WWOX: variants seen among roughly 807,000 people sequenced by gnomAD.
WWOX encodes WW domain containing oxidoreductase, also known as WW domain-containing oxidoreductase.
Under a neutral mutation model 46.2 loss-of-function variants are expected in WWOX, and 69 were observed. That is an observed-to-expected ratio of 1.49 (90% CI 1.23 to 1.82). The LOEUF (loss-of-function observed/expected upper bound fraction) is 1.82, where lower values mean the gene tolerates loss of function less well. Ranked by LOEUF, WWOX falls within the 40% of genes most tolerant of loss-of-function variation. The probability of loss-of-function intolerance (pLI) is 0.00; values close to 1 mark genes in which losing one functional copy is unlikely to be tolerated. For synonymous variants in WWOX, 359 were observed against 202.6 expected, an observed-to-expected ratio of 1.77 and a Z score of -6.56; for missense variants, 919 against 542.6, an observed-to-expected ratio of 1.69 and a Z score of -6.89.
chr16:78,699,093 G>A (rs1327997248), intron 8 of WWOX, among the ~76,000 whole-genome samples: 1 of 152,120 alleles, frequency 6.6e-6, no homozygotes, highest in Non-Finnish European at 1.5e-5. Context: ...AACTTTGTAT[G>A]AAAGTAGCCA....
At chr16:78,139,089 G>A (rs1411666765) in intron 4 of WWOX, among the ~76,000 whole-genome samples, 4 of 152,128 alleles carry the variant, frequency 2.6e-5, no homozygotes, top group Non-Finnish European at 5.9e-5. Context: ...ACAGGCTAAA[G>A]GATGGCAAAG....
intron 8 of WWOX, among the ~76,000 whole-genome samples, chr16:79,180,939 A>G (rs1358946393): frequency 6.6e-6 from 1 of 152,222 alleles, no homozygotes; most frequent in Non-Finnish European, 1.5e-5. Flanking sequence ...CTTTTTCCCT[A>G]TTCCAGGCAC....
At chr16:78,435,778 A>T (rs999455448) in intron 8 of WWOX, among the ~76,000 whole-genome samples, 2 of 152,170 alleles carry the variant, frequency 1.3e-5, no homozygotes, top group Non-Finnish European at 2.9e-5. Flanking sequence ...TGACCACTGG[A>T]ACAACTTAGA....
At chr16:78,135,361 G>C (rs919308298) in intron 4 of WWOX, among the ~76,000 whole-genome samples, 3 of 152,192 alleles carry the variant, frequency 2.0e-5, no homozygotes, top group African/African-American at 7.2e-5. Context: ...TAGTTTCCTT[G>C]AATGTCTAAT....
At chr16:78,605,024 C>A (rs2045721654) in intron 8 of WWOX, among the ~76,000 whole-genome samples, 1 of 134,082 alleles carries the variant, frequency 7.5e-6, no homozygotes. Context: ...CTCCCTCTCT[C>A]CCTTCCTCCC....
Position 78,977,003 on chromosome 16 carries a change from C to G in WWOX, c.1057-234605C>G, listed in dbSNP as rs536678289. Reference sequence around the variant, plus strand: ...TGTTTTTGAATCTAGCATGTATAAGCTCATCAGAGAGCTTTCCCCTGGCCT... The same window carrying G: ...TGTTTTTGAATCTAGCATGTATAAGGTCATCAGAGAGCTTTCCCCTGGCCT... On this transcript the variant is annotated intron_variant, in intron 8 of 8. Transcript: ENST00000566780. Among the ~76,000 whole-genome samples, 12 of 152,224 alleles carry G rather than the reference C, an allele frequency of 7.9e-5. No homozygotes were observed. The East Asian group carries it at 9.7e-4, about 12-fold the overall frequency.
At chr16:78,837,017 C>T (rs1203966432) in intron 8 of WWOX, among the ~76,000 whole-genome samples, 1 of 152,124 alleles carries the variant, frequency 6.6e-6, no homozygotes, top group Non-Finnish European at 1.5e-5. Context: ...GCCGCTTCTT[C>T]ATCCCACACA....
intron 8 of WWOX, among the ~76,000 whole-genome samples, chr16:78,709,896 A>G (rs539039390): frequency 4.6e-5 from 7 of 151,866 alleles, no homozygotes; most frequent in Admixed American, 3.9e-4. Flanking sequence ...ACGCCCAGCT[A>G]ATTTTTGTAT....
intron 5 of WWOX, among the ~76,000 whole-genome samples, chr16:78,308,530 T>C (rs56313991): frequency 0.051 from 7,773 of 152,194 alleles, 511 homozygotes; most frequent in African/African-American, 0.16. Flanking sequence ...ATAGCAGGCA[T>C]GGAAAGAAAT....
intron 8 of WWOX, among the ~76,000 whole-genome samples, chr16:78,528,840 A>C (rs191426541): frequency 6.6e-6 from 1 of 152,104 alleles, no homozygotes; most frequent in Admixed American, 6.6e-5. Flanking sequence ...GGCAACCTCT[A>C]TGTAACCTCA....
chr16:78,450,889 A>G (rs2083675175), intron 8 of WWOX, among the ~76,000 whole-genome samples: 1 of 152,242 alleles, frequency 6.6e-6, no homozygotes, highest in Admixed American at 6.5e-5. Context: ...TCTGAAATAT[A>G]CCCAATAATG....
chr16:78,722,198 G>A (rs762207821), intron 8 of WWOX, among the ~76,000 whole-genome samples: 3 of 152,186 alleles, frequency 2.0e-5, no homozygotes, highest in African/African-American at 4.8e-5. Flanking sequence ...ACCAAGGCAC[G>A]ATGACCGCAG....
intron 8 of WWOX, among the ~76,000 whole-genome samples, chr16:78,683,298 C>T (rs908047522): frequency 5.8e-5 from 7 of 120,010 alleles, no homozygotes; most frequent in African/African-American, 1.4e-4. Flanking sequence ...ATTGCCTGAG[C>T]TCAGGAGGGC....
At chr16:78,121,985 G>C (rs1306379941) in intron 4 of WWOX, among the ~76,000 whole-genome samples, 1 of 152,114 alleles carries the variant, frequency 6.6e-6, no homozygotes, top group African/African-American at 2.4e-5. Flanking sequence ...TGAGGTTTCA[G>C]TTACCTGAGG....
Position 78,624,095 on chromosome 16 carries a change from A to C in WWOX, c.1056+191343A>C, listed in dbSNP as rs547819643. On this transcript the variant is annotated intron_variant, in intron 8 of 8. Transcript: ENST00000566780. Reference sequence around the variant, plus strand: ...CCTGCTTCTTGAATCACATTGACCTAACAGGTCATATGATTTCCATTTGTT... The same window carrying C: ...CCTGCTTCTTGAATCACATTGACCTCACAGGTCATATGATTTCCATTTGTT... Among the ~76,000 whole-genome samples, 3 of 152,332 alleles carry C rather than the reference A, an allele frequency of 2.0e-5. No individual in the cohort carries two copies. In the East Asian group the frequency reaches 5.8e-4, roughly 29 times the overall value.
intron 8 of WWOX, among the ~76,000 whole-genome samples, chr16:78,932,824 G>A (rs959428376): frequency 2.0e-5 from 3 of 152,190 alleles, no homozygotes; most frequent in Admixed American, 1.3e-4. Context: ...AACAGACAAG[G>A]TGAGGAGCAA....
intron 8 of WWOX, among the ~76,000 whole-genome samples, chr16:79,168,524 C>G (rs1452681025): frequency 1.3e-5 from 2 of 152,174 alleles, no homozygotes; most frequent in Admixed American, 6.5e-5. Flanking sequence ...TTATTTCAGT[C>G]TCTCCCCGCC....
At chr16:78,447,601 G>A (rs982791743) in intron 8 of WWOX, among the ~76,000 whole-genome samples, 2 of 152,128 alleles carry the variant, frequency 1.3e-5, no homozygotes, top group African/African-American at 4.8e-5. Context: ...GTTCCAAAAG[G>A]TAATGACAAC....
chr16:78,705,668 G>GTTTA (rs913090020), intron 8 of WWOX, among the ~76,000 whole-genome samples: 3 of 152,084 alleles, frequency 2.0e-5, no homozygotes, highest in Non-Finnish European at 2.9e-5. Flanking sequence ...ATGTAAAACT[G>GTTTA]TTTATTTAGT....
Sources: gnomAD v4.1 joint callset for allele counts (sites outside exome capture counted in the v4.1 genomes callset) on GRCh38, gnomAD v4.1.1 for gene constraint, MANE v1.5 for transcripts, NCBI Gene and HGNC (gene_info 2026-07-23, HGNC 2026-07-21) for gene names.